The following RPLP2 variants were observed in gnomAD, a reference collection of about 807,000 sequenced individuals.
The protein encoded by RPLP2 is large ribosomal subunit protein P2.
Under a neutral mutation model 11.5 loss-of-function variants are expected in RPLP2, and 1 was observed. The ratio of observed to expected loss-of-function variants is 0.09; its 90% CI spans 0.03 to 0.41. RPLP2 has a LOEUF of 0.41. Ranked by LOEUF, RPLP2 falls within the 10% of genes least tolerant of loss-of-function variation. RPLP2 has a pLI of 0.98. For missense variants in RPLP2, 177 were observed against 145.6 expected (o/e 1.22, Z -1.11); for synonymous variants, 82 against 55.9 (o/e 1.47, Z -2.08).
In RPLP2 at chr11:811,435, C is replaced by T. The variant is rs1052482125; in HGVS notation, c.124-162C>T. 5.6e-6 allele frequency: 4 copies of T among 712,184 alleles called. No homozygotes were observed. In the Admixed American group the frequency reaches 7.9e-5, roughly 14 times the overall value. 44.1% of individuals were successfully genotyped at this position (712,184 alleles called of 1,614,324 possible). On this transcript the variant is annotated intron_variant, in intron 2 of 4. Transcript: ENST00000321153. ...CTAGTGTCCATTTATTTTTATATCA[C>T]TTCCCAAGTGAGGCTGGTGGCTCCC...
chr11:810,147 C>A (rs544374482), intron 1 of RPLP2, 87 bp from the exon 2 acceptor site: 13 of 1,366,542 alleles, frequency 9.5e-6, no homozygotes, highest in Non-Finnish European at 1.1e-5. Flanking sequence ...GGCCGAGCCA[C>A]GCGCGGCCTC....
chr11:810,423 C>T (rs1865994505), intron 2 of RPLP2, 66 bp downstream of exon 2: 6 of 1,469,524 alleles, frequency 4.1e-6, no homozygotes, highest in East Asian at 2.5e-5. Context: ...GATTCTTCTG[C>T]CTGATCCGGC....
At chr11:811,823 A>G (rs1866075440) in intron 3 of RPLP2, 178 bp downstream of exon 3, 1 of 825,388 alleles carries the variant, frequency 1.2e-6, no homozygotes, top group Non-Finnish European at 2.2e-6. Context: ...TCTCAGGAGC[A>G]GGGCAGCAGG....
intron 4 of RPLP2, 29 bp from the exon 5 acceptor site, chr11:812,731 G>T: frequency 6.2e-7 from 1 of 1,612,612 alleles, no homozygotes; most frequent in Non-Finnish European, 8.5e-7. Context: ...CTTGGGCAGT[G>T]CTCACCATGC....
chr11:812,666 T>A (rs1386225580), intron 4 of RPLP2, 33 bp downstream of exon 4: 1 of 1,611,804 alleles, frequency 6.2e-7, no homozygotes. Context: ...GGCAAGGGGC[T>A]GGGGCTCAGA....
chr11:811,702 G>T (rs745558119), intron 3 of RPLP2, 57 bp downstream of exon 3: 1 of 1,609,242 alleles, frequency 6.2e-7, no homozygotes, highest in Non-Finnish European at 8.5e-7. Flanking sequence ...AATCCCTGCC[G>T]GTCCATCTGT....
intron 2 of RPLP2, chr11:811,298 C>A: frequency 4.4e-6 from 2 of 455,984 alleles, no homozygotes; most frequent in South Asian, 4.5e-5. Flanking sequence ...AGCCTGAAGT[C>A]AAAGTCAATT....
rs144302859 is a variant in RPLP2 at position 811,632 on chromosome 11, C to T, written c.159C>T (p.Asp53=). 1.3e-5 allele frequency: 21 copies of T among 1,614,216 alleles called. No individual in the cohort carries two copies. In the East Asian group the frequency reaches 1.6e-4, roughly 12 times the overall value. The change falls in exon 3 of 5, where the codon GAC becomes GAT. Residue 53 remains aspartate, a synonymous_variant. Coordinates refer to ENST00000321153, the MANE Select transcript of RPLP2 (RefSeq NM_001004.4). ...AGCTGAATGGAAAAAACATTGAAGACGTCATTGCCCAGGGTGAGTTGATGT... is the reference window on the plus strand; with the variant it reads ...AGCTGAATGGAAAAAACATTGAAGATGTCATTGCCCAGGGTGAGTTGATGT... ...ISELNGKNIE[D]VIAQGIGKLA...
chr11:810,336 G>A lies in RPLP2; in HGVS notation c.102G>A (p.Ala34=), dbSNP rs1301685496. The A allele has an allele frequency of 1.9e-6, 3 of 1,607,724 alleles. No individual in the cohort carries two copies. Among genetic ancestry groups the A allele is most frequent in the East Asian group, 2.3e-5 (1 of 44,190 alleles). The change falls in exon 2 of 5, where the codon GCG becomes GCA. Residue 34 remains alanine (A), a synonymous_variant. Transcript: ENST00000321153. ...TCTTGGACAGCGTGGGTATCGAGGC[G>A]GACGACGACCGGCTCAACAAGGTAG... The part of the protein sequence containing the change: ...KKILDSVGIE[A]DDDRLNKVIS...
At chr11:810,209 G>T (rs758070555) in intron 1 of RPLP2, 25 bp from the exon 2 acceptor site, 14 of 1,497,622 alleles carry the variant, frequency 9.3e-6, no homozygotes, top group African/African-American at 1.4e-5. Flanking sequence ...TAACTCCGCC[G>T]TCGCGTCCTC....
At chr11:811,815 T>G (rs988088610) in intron 3 of RPLP2, 170 bp downstream of exon 3, 1 of 863,694 alleles carries the variant, frequency 1.2e-6, no homozygotes, top group East Asian at 2.4e-5. Flanking sequence ...CTAGACACTC[T>G]CAGGAGCAGG....
chr11:812,714 C>T (rs1866099923), intron 4 of RPLP2, 46 bp from the exon 5 acceptor site: 52 of 1,613,044 alleles, frequency 3.2e-5, no homozygotes, highest in Non-Finnish European at 4.2e-5. Flanking sequence ...GGGGGACTGG[C>T]CTGGCACTTG....
Position 810,292 on chromosome 11 carries a change from G to T in RPLP2, c.58G>T (p.Ala20Ser), listed in dbSNP as rs769624915. 1.2e-6 allele frequency: 2 copies of T among 1,608,442 alleles called. No homozygotes were observed. Among genetic ancestry groups the T allele is most frequent in the African/African-American group, 2.7e-5 (2 of 74,370 alleles). ...AALGGNSSPS[A>S]KDIKKILDSV... is the part of the protein sequence containing the mutation. ...CCTAGGGGGCAACTCCTCCCCCAGCGCCAAGGACATCAAGAAGATCTTGGA... is the reference window on the plus strand; with the variant it reads ...CCTAGGGGGCAACTCCTCCCCCAGCTCCAAGGACATCAAGAAGATCTTGGA... The change falls in exon 2 of 5, where the codon GCC becomes TCC. Residue 20 changes from alanine to serine, a missense_variant. Physicochemically the swap from Ala to Ser is moderately conservative, Grantham distance 99. Transcript: ENST00000321153.
chr11:811,067 C>T (rs1405597954), intron 2 of RPLP2, among the ~76,000 whole-genome samples: 5 of 151,218 alleles, frequency 3.3e-5, no homozygotes, highest in African/African-American at 9.7e-5. Context: ...GTCTCAGCTA[C>T]TCATGAGGCT....
intron 2 of RPLP2, 129 bp from the exon 3 acceptor site, chr11:811,468 A>C: frequency 9.7e-7 from 1 of 1,027,722 alleles, no homozygotes; most frequent in Non-Finnish European, 1.5e-6. Context: ...CCCTTTGGGC[A>C]GTGCAGTTCT....
chr11:810,419 T>A, intron 2 of RPLP2, 62 bp downstream of exon 2: 2 of 1,500,310 alleles, frequency 1.3e-6, no homozygotes, highest in Non-Finnish European at 1.8e-6. Context: ...AGGCGATTCT[T>A]CTGCCTGATC....
Position 812,789 on chromosome 11 carries a change from G to A in RPLP2, c.301G>A (p.Glu101Lys). 1 of 1,613,336 alleles carries A rather than the reference G, an allele frequency of 6.2e-7. No individual in the cohort carries two copies. The highest frequency in any genetic ancestry group is 1.7e-5 in the Admixed American group (1 of 60,018). ...AEEKKDEKKEESEESDDDMGF... is the reference protein window; with the variant it reads ...AEEKKDEKKEKSEESDDDMGF... ...GGAGAAGAAAGATGAGAAGAAGGAGGAGTCTGAAGAGTCAGATGATGACAT... is the reference window on the plus strand; with the variant it reads ...GGAGAAGAAAGATGAGAAGAAGGAGAAGTCTGAAGAGTCAGATGATGACAT... The change falls in exon 5 of 5, where the codon GAG becomes AAG. Residue 101 changes from glutamate to lysine, a missense_variant. Physicochemically the swap from Glu to Lys is moderately conservative, Grantham distance 56. Transcript: ENST00000321153.
At chr11:811,687 A>T in intron 3 of RPLP2, 42 bp downstream of exon 3, 1 of 1,613,374 alleles carries the variant, frequency 6.2e-7, no homozygotes, top group East Asian at 2.2e-5. Flanking sequence ...TTCATGGTCC[A>T]TCCTAATCCC....
intron 1 of RPLP2, 75 bp downstream of exon 1, chr11:810,114 T>G: frequency 2.5e-6 from 3 of 1,199,758 alleles, no homozygotes. Flanking sequence ...GGCGGCGGGG[T>G]ATTTTTGGGA....
Sources: gnomAD v4.1 joint callset for allele counts (sites outside exome capture counted in the v4.1 genomes callset) on GRCh38, gnomAD v4.1.1 for gene constraint, MANE v1.5 for transcripts, NCBI Gene and HGNC (gene_info 2026-07-23, HGNC 2026-07-21) for gene names.